Variants in ADNP observed in about 807,000 individuals in gnomAD.
ADNP encodes activity-dependent neuroprotector homeobox protein.
In ADNP, 4 loss-of-function variants were observed where a neutral mutation model predicts 84.9. The observed-to-expected ratio is 0.05, with a 90% CI of 0.02 to 0.11. The LOEUF (loss-of-function observed/expected upper bound fraction) is 0.11, where lower values mean the gene tolerates loss of function less well. Ranked by LOEUF, ADNP falls within the 10% of genes least tolerant of loss-of-function variation. The probability of loss-of-function intolerance (pLI) is 1.00; values close to 1 mark genes in which losing one functional copy is unlikely to be tolerated. For missense variants in ADNP, 1,132 were observed against 1,326.0 expected (o/e 0.85, Z 2.27); for synonymous variants, 554 against 468.1 (o/e 1.18, Z -2.37).
chr20:50,913,161 G>A (rs746690800), intron 2 of ADNP, among the ~76,000 whole-genome samples: 1 of 143,884 alleles, frequency 7.0e-6, no homozygotes, highest in Non-Finnish European at 1.5e-5. Flanking sequence ...GCTGAGGCCT[G>A]AGAATCGTTT....
In ADNP at chr20:50,889,678, C is replaced by A; in HGVS notation, c.*1727G>T. On this transcript the variant is annotated 3_prime_UTR_variant, in exon 6 of 6. Transcript: ENST00000621696. ...GGCCACTATCCTTGAGGTGACTGAC[C>A]AGCCTCCTCATGGATTGGAGTTTCC... 2.6e-6 allele frequency: 1 copy of A among 388,742 alleles called. No individual in the cohort carries two copies. The highest frequency in any genetic ancestry group is 4.5e-6 in the Non-Finnish European group (1 of 220,318). The allele number at this position is 388,742 out of a possible 1,614,324, so 24.1% of individuals were successfully genotyped here. A position where few individuals can be genotyped will look rare whatever the true frequency, so the allele number is the denominator to read the frequency against.
chr20:50,930,755 C>T, intron 1 of ADNP, 71 bp downstream of exon 1: 1 of 150,760 alleles, frequency 6.6e-6, no homozygotes, highest in Non-Finnish European at 1.5e-5. Flanking sequence ...GCACTGGCGG[C>T]CGCGCGGGCC....
At chr20:50,904,893 TA>T in intron 2 of ADNP, 44 bp from the exon 3 acceptor site, 1 of 152,088 alleles carries the variant, frequency 6.6e-6, no homozygotes, top group Admixed American at 6.5e-5. Flanking sequence ...AAAAAAACCT[TA>T]AGTTTCTGTA....
chr20:50,913,990 G>A, intron 2 of ADNP: 1 of 748,734 alleles, frequency 1.3e-6, no homozygotes, highest in Non-Finnish European at 2.5e-6. Flanking sequence ...GAATGAGACT[G>A]TAAAAGCCCT....
Position 50,891,614 on chromosome 20 carries a change from C to T in ADNP, c.3100G>A (p.Gly1034Arg), listed in dbSNP as rs140867328. The T allele has an allele frequency of 2.3e-5, 37 of 1,614,024 alleles. No homozygotes were observed. In the East Asian group the frequency reaches 6.9e-4, roughly 30 times the overall value. ...EQLKWKNSSYGKVEGFWSKDQ... is the reference protein window; with the variant it reads ...EQLKWKNSSYRKVEGFWSKDQ... ...TTAGACCAAAACCCTTCAACTTTTC[C>T]ATAGGAACTATTCTTCCATTTCAAC... The change falls in exon 6 of 6, where the codon GGA becomes AGA. Residue 1034 changes from glycine (G) to arginine (R), a missense_variant. By Grantham distance (125) the Gly-to-Arg change is moderately radical (BLOSUM62 -2). Around this residue, in one of 10 missense-constraint regions of ADNP, gnomAD observed 381 missense variants for 319.9 expected, o/e 1.19. Coordinates refer to ENST00000621696, the MANE Select transcript of ADNP (RefSeq NM_001282531.3).
At position 50,913,277 on chromosome 20, in the gene ADNP, AAAAAAAAAAAAG is replaced by A. The variant is rs1334215087; in HGVS notation, c.-89-8440_-89-8429del. Among the ~76,000 whole-genome samples the A allele has an allele frequency of 1.6e-3, 228 of 143,806 alleles. 2 individuals carry two copies. The highest frequency in any genetic ancestry group is 5.6e-3 in the African/African-American group (214 of 38,154). 94.3% of individuals were successfully genotyped at this position (143,806 alleles called of 152,430 possible). On this transcript the variant is annotated intron_variant, in intron 2 of 5. Transcript: ENST00000621696. ...AAAAAAAAAAAAAAAAAAAAAAAAA[AAAAAAAAAAAAG>A]GTATCTGTATTTTCTAAGTTAATAA...
chr20:50,908,550 G>GA, intron 2 of ADNP, among the ~76,000 whole-genome samples: 1 of 152,230 alleles, frequency 6.6e-6, no homozygotes, highest in East Asian at 1.9e-4. Flanking sequence ...CAAGGCGGGC[G>GA]AGTCACGAGG....
At chr20:50,916,557 T>C (rs745834400) in intron 2 of ADNP, among the ~76,000 whole-genome samples, 1 of 152,170 alleles carries the variant, frequency 6.6e-6, no homozygotes, top group Non-Finnish European at 1.5e-5. Context: ...TCTCCCTAGT[T>C]CCCTGGATAA....
intron 5 of ADNP, among the ~76,000 whole-genome samples, chr20:50,898,687 G>C (rs1475156976): frequency 6.6e-6 from 1 of 152,096 alleles, no homozygotes; most frequent in Non-Finnish European, 1.5e-5. Flanking sequence ...CAACATTATG[G>C]ATTTTGTATG....
chr20:50,892,456 G>A lies in ADNP; in HGVS notation c.2258C>T (p.Ala753Val). 1.2e-6 allele frequency: 2 copies of A among 1,614,114 alleles called. No homozygotes were observed. Among genetic ancestry groups the A allele is most frequent in the South Asian group, 2.2e-5 (2 of 91,086 alleles). ...EEKPEEPVVL[A>V]LDPKGHEDDS... Reference sequence around the variant, plus strand: ...ATCTTCATGACCCTTGGGGTCTAAAGCTAAAACAACAGGCTCTTCAGGCTT... The same window carrying A: ...ATCTTCATGACCCTTGGGGTCTAAAACTAAAACAACAGGCTCTTCAGGCTT... The change falls in exon 6 of 6, where the codon GCT (alanine) becomes GTT (valine). Residue 753 changes from alanine to valine, a missense_variant. Physicochemically the swap from Ala to Val is moderately conservative, Grantham distance 64. Transcript: ENST00000621696.
At chr20:50,927,334 T>C (rs1396385413) in intron 2 of ADNP, among the ~76,000 whole-genome samples, 1 of 152,152 alleles carries the variant, frequency 6.6e-6, no homozygotes, top group Non-Finnish European at 1.5e-5. Context: ...ATACAGGAAC[T>C]ATAAAAACCA....
chr20:50,914,008 AAAGGTGCTC>A (rs1224329993), intron 2 of ADNP: 5 of 753,316 alleles, frequency 6.6e-6, no homozygotes, highest in Non-Finnish European at 1.2e-5. Context: ...CCTTCTGGGA[AAAGGTGCTC>A]AAGTGAATGC....
rs1286389593 is a variant in ADNP, at chr20:50,893,661, T to C, written c.1053A>G (p.Leu351=). Residue 351 remains leucine, a synonymous_variant, in exon 6 of 6, where the codon CTA becomes CTG. Transcript: ENST00000621696. The surrounding 1 kb of genome is among the most constrained non-coding windows in gnomAD (Gnocchi z 4.4). The part of the protein sequence containing the change: ...YSVGQSMRLG[L]GGNAPVSIPQ... Reference sequence around the variant, plus strand: ...GAATGGAAACTGGTGCGTTGCCACCTAGACCCAGTCTCATTGACTGACCAA... The same window carrying C: ...GAATGGAAACTGGTGCGTTGCCACCCAGACCCAGTCTCATTGACTGACCAA... 3 of 1,614,070 alleles carry C rather than the reference T, an allele frequency of 1.9e-6. No homozygotes were observed. Among genetic ancestry groups the C allele is most frequent in the Admixed American group, 1.7e-5 (1 of 60,006 alleles).
intron 2 of ADNP, among the ~76,000 whole-genome samples, chr20:50,910,732 G>A (rs1982948055): frequency 6.6e-6 from 1 of 152,072 alleles, no homozygotes; most frequent in Non-Finnish European, 1.5e-5. Context: ...ACAGCTCACT[G>A]CAGCCTCAAT....
intron 5 of ADNP, among the ~76,000 whole-genome samples, chr20:50,894,886 A>C (rs1981221735): frequency 6.6e-6 from 1 of 152,192 alleles, no homozygotes; most frequent in Admixed American, 6.5e-5. Context: ...GACAAGAGCG[A>C]AACTGTCTCA....
intron 4 of ADNP, 96 bp downstream of exon 4, chr20:50,903,793 G>C: frequency 2.3e-6 from 2 of 870,082 alleles, no homozygotes; most frequent in East Asian, 5.2e-5. Context: ...CTGAAATTCA[G>C]AATCACATCT....
intron 1 of ADNP, among the ~76,000 whole-genome samples, chr20:50,929,457 C>G (rs1984507744): frequency 6.6e-6 from 1 of 152,198 alleles, no homozygotes. Context: ...ACTAAGAGTG[C>G]GAGTGTGTCT....
chr20:50,912,032 G>C (rs765133993), intron 2 of ADNP, among the ~76,000 whole-genome samples: 2 of 152,122 alleles, frequency 1.3e-5, no homozygotes, highest in Non-Finnish European at 2.9e-5. Flanking sequence ...TTACACTAGT[G>C]AATGCAAAAC....
Position 50,910,804 on chromosome 20 carries a change from G to A in ADNP, c.-89-5955C>T, listed in dbSNP as rs112896292. ...CAAGTAGATGAGACTAGAGGTATGC[G>A]CCACCACATTCAGCTAATTTTTTAA... On this transcript the variant is annotated intron_variant, in intron 2 of 5. Coordinates refer to ENST00000621696, the MANE Select transcript of ADNP (RefSeq NM_001282531.3). Among the ~76,000 whole-genome samples, 303 of 152,082 alleles carry A rather than the reference G, an allele frequency of 2.0e-3. 1 individual carries two copies. Among genetic ancestry groups the A allele is most frequent in the South Asian group, 5.6e-3 (27 of 4,806 alleles).
Sources: allele counts gnomAD v4.1 joint callset (sites outside exome capture counted in the v4.1 genomes callset), GRCh38; gene constraint gnomAD v4.1.1; regional missense constraint gnomAD v4.1.1; non-coding constraint Gnocchi (gnomAD v3.1); transcripts MANE v1.5; gene names NCBI Gene and HGNC (gene_info 2026-07-23, HGNC 2026-07-21).